MME: variants seen among roughly 807,000 people sequenced by gnomAD.
MME encodes the protein membrane metalloendopeptidase.
Under a neutral mutation model 113.2 loss-of-function variants are expected in MME, and 98 were observed. The observed-to-expected ratio is 0.87, with a 90% CI of 0.74 to 1.02. The LOEUF is 1.02. Ranked by LOEUF, MME falls within the 50% of genes least tolerant of loss-of-function variation. The pLI, the probability that MME is intolerant of heterozygous loss-of-function variation, is 0.00. For synonymous variants in MME, 292 were observed against 300.6 expected, an observed-to-expected ratio of 0.97 and a Z score of 0.30; for missense variants, 836 against 896.0, an observed-to-expected ratio of 0.93 and a Z score of 0.86.
rs1162189434 is a variant in MME at position 155,147,228 on chromosome 3, A to G, written c.1497+4A>G. The stretch of plus-strand genomic sequence containing the variant: ...ACTGAATAATGAGTACCTCGAGGTA[A>G]GTCTCTATAAAATAGACTCTGGACT... On this transcript the variant is annotated splice_donor_region_variant and intron_variant, in intron 15 of 22. Coordinates refer to ENST00000360490, the MANE Select transcript of MME (RefSeq NM_007289.4). 29 of 1,562,284 alleles carry G rather than the reference A, an allele frequency of 1.9e-5. No homozygotes were observed. Among genetic ancestry groups the G allele is most frequent in the Non-Finnish European group, 2.5e-5 (28 of 1,133,116 alleles).
At chr3:155,113,383 T>G (rs1836916) in intron 3 of MME, among the ~76,000 whole-genome samples, 115,017 of 152,094 alleles carry the variant, frequency 0.76, 43,629 homozygotes, top group South Asian at 0.9. Flanking sequence ...GAGTTCAAGC[T>G]ATTCTCCTGC....
chr3:155,039,538 A>G (rs970777478), intron 1 of MME, among the ~76,000 whole-genome samples: 2 of 152,192 alleles, frequency 1.3e-5, no homozygotes, highest in Non-Finnish European at 2.9e-5. Context: ...ACATAGTTGG[A>G]AAAGAATAGT....
intron 3 of MME, chr3:155,089,931 G>T: frequency 2.3e-6 from 1 of 428,258 alleles, no homozygotes; most frequent in South Asian, 1.6e-5. Flanking sequence ...CTGCACTCCA[G>T]CCTGGAAGAC....
chr3:155,079,387 C>A (rs1172124292), upstream of MME, among the ~76,000 whole-genome samples: 1 of 151,804 alleles, frequency 6.6e-6, no homozygotes, highest in African/African-American at 2.4e-5. Context: ...CCGAAGAGCC[C>A]GTGTATTGTT....
chr3:155,042,940 GTATATATATATA>G (rs57585504), intron 1 of MME, among the ~76,000 whole-genome samples: 1 of 53,580 alleles, frequency 1.9e-5, no homozygotes, highest in Non-Finnish European at 3.3e-5. Context: ...ATATATATAT[GTATATATATATA>G]TATATATCAC....
intron 1 of MME, among the ~76,000 whole-genome samples, chr3:155,054,312 A>T (rs1713856024): frequency 6.6e-6 from 1 of 151,098 alleles, no homozygotes; most frequent in African/African-American, 2.5e-5. Context: ...CATTTGTTCT[A>T]TTAAGACCTT....
chr3:155,059,775 GA>G (rs1559895443), intron 1 of MME, among the ~76,000 whole-genome samples: 1 of 151,952 alleles, frequency 6.6e-6, no homozygotes, highest in Non-Finnish European at 1.5e-5. Flanking sequence ...AATAGTATAA[GA>G]ACTATATAAT....
At chr3:155,032,938 A>G (rs1434044814) in intron 1 of MME, among the ~76,000 whole-genome samples, 1 of 152,214 alleles carries the variant, frequency 6.6e-6, no homozygotes, top group East Asian at 1.9e-4. Flanking sequence ...CATAGTTACA[A>G]TGATCTAATT....
intron 1 of MME, chr3:155,083,420 G>A (rs1715348883): frequency 6.6e-6 from 1 of 152,166 alleles, no homozygotes; most frequent in South Asian, 2.1e-4. Flanking sequence ...GTATCAACTT[G>A]GTAACTTTTT....
rs1440811096 is a variant in MME at position 155,115,155 on chromosome 3, G to A, written c.358G>A (p.Asp120Asn). The A allele has an allele frequency of 5.6e-6, 9 of 1,613,730 alleles. No homozygotes were observed. The highest frequency in any genetic ancestry group is 7.6e-6 in the Non-Finnish European group (9 of 1,179,914). ...LRDELEVVLK[D>N]VLQEPKTEDI... ...AGATGAACTAGAAGTCGTTTTGAAA[G>A]GTTAGTAGAGATTGTGTCTGTGCAT... The change falls in exon 4 of 23, where the codon GAT becomes AAT. Residue 120 changes from aspartate to asparagine, a missense_variant and splice_region_variant. Asp to Asn is a conservative substitution (Grantham distance 23, BLOSUM62 1). Transcript: ENST00000360490.
chr3:155,109,890 A>G (rs969505664), intron 3 of MME, among the ~76,000 whole-genome samples: 11 of 152,348 alleles, frequency 7.2e-5, no homozygotes, highest in African/African-American at 2.6e-4. Context: ...ACCCTGCTAC[A>G]TGGCCACTTC....
chr3:155,168,418 G>T (rs1711559063), intron 18 of MME, 74 bp from the exon 19 acceptor site: 1 of 1,304,046 alleles, frequency 7.7e-7, no homozygotes, highest in Admixed American at 1.9e-5. Context: ...TTCAGTCCTT[G>T]CACTTTGAAT....
At chr3:155,095,256 G>T (rs1037723254) in intron 3 of MME, among the ~76,000 whole-genome samples, 2 of 152,054 alleles carry the variant, frequency 1.3e-5, no homozygotes, top group African/African-American at 4.8e-5. Context: ...CTGGATATTT[G>T]CATTTTTAAA....
chr3:155,028,473 G>A (rs986511823), intron 1 of MME, among the ~76,000 whole-genome samples: 2 of 152,164 alleles, frequency 1.3e-5, no homozygotes, highest in African/African-American at 4.8e-5. Flanking sequence ...TTATTAGCAA[G>A]GGGATCACCT....
chr3:155,054,115 A>C (rs1049616997), intron 1 of MME, among the ~76,000 whole-genome samples: 2 of 152,188 alleles, frequency 1.3e-5, no homozygotes, highest in Admixed American at 1.3e-4. Context: ...GTTTGTGGTA[A>C]TTTATTTCAG....
At chr3:155,114,102 A>G (rs1278009785) in intron 3 of MME, among the ~76,000 whole-genome samples, 1 of 152,238 alleles carries the variant, frequency 6.6e-6, no homozygotes, top group Non-Finnish European at 1.5e-5. Flanking sequence ...GAGAGCTTAT[A>G]TTCTCTTGAT....
chr3:155,069,557 C>T (rs1226062770), intron 1 of MME, among the ~76,000 whole-genome samples: 2 of 152,126 alleles, frequency 1.3e-5, no homozygotes, highest in African/African-American at 2.4e-5. Context: ...TTTGAGACAC[C>T]TTCAAATAAT....
At chr3:155,089,410 C>T (rs1716080395) in intron 3 of MME, among the ~76,000 whole-genome samples, 1 of 152,136 alleles carries the variant, frequency 6.6e-6, no homozygotes, top group Non-Finnish European at 1.5e-5. Flanking sequence ...TATTTTTGTG[C>T]TAGATAATTC....
At chr3:155,052,627 C>T (rs933598144) in intron 1 of MME, among the ~76,000 whole-genome samples, 1 of 152,226 alleles carries the variant, frequency 6.6e-6, no homozygotes, top group Non-Finnish European at 1.5e-5. Context: ...CTGCACAGGG[C>T]AGGGGGGCCC....
Sources: allele counts gnomAD v4.1 joint callset (sites outside exome capture counted in the v4.1 genomes callset), GRCh38; gene constraint gnomAD v4.1.1; transcripts MANE v1.5; gene names NCBI Gene and HGNC (gene_info 2026-07-23, HGNC 2026-07-21).